ZMYM2: variants seen among roughly 807,000 people sequenced by gnomAD.
The protein encoded by ZMYM2 is zinc finger MYM-type containing 2.
ZMYM2 carries 56 observed loss-of-function variants against 162.8 expected under a neutral mutation model. The ratio of observed to expected loss-of-function variants is 0.34; its 90% confidence interval spans 0.28 to 0.43. ZMYM2 has a LOEUF of 0.43. Ranked by LOEUF, ZMYM2 falls within the 20% of genes least tolerant of loss-of-function variation. The pLI is 1.00. For synonymous variants in ZMYM2, 510 were observed against 541.6 expected, an observed-to-expected ratio of 0.94 and a Z score of 0.81; for missense variants, 1,275 against 1,621.8, an observed-to-expected ratio of 0.79 and a Z score of 3.67.
chr13:19,938,032 T>C, the ZMYM2 span, among the ~76,000 whole-genome samples: 14 of 152,274 alleles, frequency 9.2e-5, no homozygotes, highest in African/African-American at 2.6e-4. Context: ...GTGCCACATT[T>C]TCTTAATCCA....
intron 2 of ZMYM2, among the ~76,000 whole-genome samples, chr13:19,983,962 T>C (rs570476195): frequency 1.3e-5 from 2 of 152,304 alleles, no homozygotes; most frequent in East Asian, 3.9e-4. Flanking sequence ...AAATCTATCA[T>C]ATTAACTCAG....
chr13:19,892,506 A>C, the ZMYM2 span, among the ~76,000 whole-genome samples: 1 of 151,052 alleles, frequency 6.6e-6, no homozygotes, highest in Non-Finnish European at 1.5e-5. Flanking sequence ...CCATCTCCTG[A>C]CCTTGTGATC....
the ZMYM2 span, among the ~76,000 whole-genome samples, chr13:19,880,497 C>T: frequency 6.6e-6 from 1 of 152,076 alleles, no homozygotes; most frequent in Non-Finnish European, 1.5e-5. Flanking sequence ...GCCGCGATCT[C>T]GGCTCACCAC....
At position 20,014,423 on chromosome 13, in the gene ZMYM2, A is replaced by G. The variant is rs116639308; in HGVS notation, c.1513-5124A>G. Among the ~76,000 whole-genome samples, 468 of 152,104 alleles carry G rather than the reference A, an allele frequency of 3.1e-3. 5 individuals carry two copies. Among genetic ancestry groups the G allele is most frequent in the African/African-American group, 0.01 (429 of 41,512 alleles). On this transcript the variant is annotated intron_variant, in intron 6 of 24. Coordinates refer to ENST00000610343, the MANE Select transcript of ZMYM2 (RefSeq NM_197968.4). ...TGTTACAGGTCTGTTCACGTTTTCT[A>G]TGTCTTCTTGTGTCAGTTTTGGTGG...
upstream of ZMYM2, among the ~76,000 whole-genome samples, chr13:19,956,020 C>T (rs1034683906): frequency 1.3e-4 from 20 of 152,174 alleles, no homozygotes; most frequent in Non-Finnish European, 1.9e-4. Context: ...ATGCAATTCA[C>T]ACATTTAAGG....
At chr13:19,951,527 TAAAAAAAA>T in the ZMYM2 span, among the ~76,000 whole-genome samples, 14,349 of 76,458 alleles carry the variant, frequency 0.19, 1,169 homozygotes, top group Non-Finnish European at 0.24. Context: ...CCATCTCTAC[TAAAAAAAA>T]AAAAAAAAAA....
At position 20,087,858 on chromosome 13, in the gene ZMYM2, AACTT is replaced by A. The variant is rs1958360210; in HGVS notation, c.*1847_*1850del. ...AATATATAATACAAAAATTTTCTCT[AACTT>A]ACCTTTTTCCAGAACTACTTCTTTA... On this transcript the variant is annotated 3_prime_UTR_variant, in exon 25 of 25. Transcript: ENST00000610343. 1 of 187,224 alleles carries A rather than the reference AACTT, an allele frequency of 5.3e-6. No individual in the cohort carries two copies. Among genetic ancestry groups the A allele is most frequent in the South Asian group, 1.9e-4 (1 of 5,138 alleles). The allele number at this position is 187,224 out of a possible 1,614,324, so 11.6% of individuals were successfully genotyped here. A position where few individuals can be genotyped will look rare whatever the true frequency, so the allele number is the denominator to read the frequency against.
At chr13:19,998,285 T>C (rs1357615510) in intron 3 of ZMYM2, among the ~76,000 whole-genome samples, 1 of 152,176 alleles carries the variant, frequency 6.6e-6, no homozygotes, top group African/African-American at 2.4e-5. Flanking sequence ...CCTAAAAAAT[T>C]TTTTTGATGT....
chr13:19,960,301 G>A (rs1190658345), intron 2 of ZMYM2, among the ~76,000 whole-genome samples: 1 of 152,238 alleles, frequency 6.6e-6, no homozygotes, highest in Non-Finnish European at 1.5e-5. Flanking sequence ...CCCGGGAGGA[G>A]GGGTGGTGCG....
the ZMYM2 span, among the ~76,000 whole-genome samples, chr13:19,931,775 C>G: frequency 1.3e-5 from 2 of 152,130 alleles, no homozygotes; most frequent in African/African-American, 4.8e-5. Context: ...AGGCGCACGC[C>G]AAAATACCTG....
chr13:20,045,087 A>T (rs911155573), intron 12 of ZMYM2, among the ~76,000 whole-genome samples: 2 of 151,530 alleles, frequency 1.3e-5, no homozygotes, highest in Non-Finnish European at 2.9e-5. Context: ...GTGAAGACAG[A>T]CATTATCATG....
At chr13:20,050,433 AC>A (rs1955214979) in intron 12 of ZMYM2, among the ~76,000 whole-genome samples, 1 of 152,036 alleles carries the variant, frequency 6.6e-6, no homozygotes. Flanking sequence ...GGCCACAGTT[AC>A]TACGAACTAC....
upstream of ZMYM2, among the ~76,000 whole-genome samples, chr13:19,958,288 G>A (rs958565088): frequency 5.3e-5 from 8 of 152,180 alleles, no homozygotes; most frequent in East Asian, 1.9e-4. Flanking sequence ...CTCGGGCAGA[G>A]GCGTTGGGAG....
At chr13:19,994,556 C>T (rs1412569564) in intron 3 of ZMYM2, among the ~76,000 whole-genome samples, 1 of 152,022 alleles carries the variant, frequency 6.6e-6, no homozygotes, top group Admixed American at 6.6e-5. Context: ...GTGGCGCAAT[C>T]TTGGCTCACT....
At chr13:19,954,026 T>C (rs1245274679), upstream of ZMYM2, among the ~76,000 whole-genome samples, 1 of 151,860 alleles carries the variant, frequency 6.6e-6, no homozygotes, top group African/African-American at 2.4e-5. Flanking sequence ...TAGGCGTTTG[T>C]ACCGGGTGCT....
the ZMYM2 span, among the ~76,000 whole-genome samples, chr13:19,879,960 A>G: frequency 1.7e-3 from 259 of 152,308 alleles, 7 homozygotes; most frequent in South Asian, 0.037. Flanking sequence ...AAGGAAAGGC[A>G]TATTTCCTCT....
At chr13:20,017,982 A>G (rs1030719934) in intron 6 of ZMYM2, among the ~76,000 whole-genome samples, 1 of 152,118 alleles carries the variant, frequency 6.6e-6, no homozygotes, top group Non-Finnish European at 1.5e-5. Flanking sequence ...AAACTTGAAC[A>G]TTTTGAGTAC....
chr13:19,877,066 G>A, the ZMYM2 span, among the ~76,000 whole-genome samples: 4 of 152,138 alleles, frequency 2.6e-5, no homozygotes, highest in Non-Finnish European at 4.4e-5. Flanking sequence ...CAAAAAATTA[G>A]CTGGGCGCAG....
At position 19,975,529 on chromosome 13, in the gene ZMYM2, C is replaced by T. The variant is rs79763378; in HGVS notation, c.-11+15503C>T. Among the ~76,000 whole-genome samples, 343 of 152,296 alleles carry T rather than the reference C, an allele frequency of 2.3e-3. 11 individuals carry two copies. In the East Asian group the frequency reaches 0.054, roughly 24 times the overall value. ...TTCATTGTTAAAGCTGTATAATATT[C>T]CCCTGTGTATGTTTACCAACATTTT... On this transcript the variant is annotated intron_variant, in intron 2 of 24. Transcript: ENST00000610343.
Sources: gnomAD v4.1 joint callset for allele counts (sites outside exome capture counted in the v4.1 genomes callset) on GRCh38, gnomAD v4.1.1 for gene constraint, MANE v1.5 for transcripts, NCBI Gene and HGNC (gene_info 2026-07-23, HGNC 2026-07-21) for gene names.